The following MXI1 variants were observed in gnomAD, a reference collection of about 807,000 sequenced individuals.
MXI1 encodes the protein max-interacting protein 1.
MXI1 carries 18 observed loss-of-function variants against 36.9 expected under a neutral mutation model. The ratio of observed to expected loss-of-function variants is 0.49; its 90% CI spans 0.34 to 0.72. MXI1 has a LOEUF of 0.72. Ranked by LOEUF, MXI1 falls within the 30% of genes least tolerant of loss-of-function variation. The probability of loss-of-function intolerance (pLI) is 0.01; values close to 1 mark genes in which losing one functional copy is unlikely to be tolerated. For missense variants in MXI1, 304 were observed against 379.1 expected, an observed-to-expected ratio of 0.80 and a Z score of 1.64; for synonymous variants, 160 against 146.7, an observed-to-expected ratio of 1.09 and a Z score of -0.65.
At chr10:110,265,134 T>C (rs559749330) in intron 3 of MXI1, among the ~76,000 whole-genome samples, 3 of 152,366 alleles carry the variant, frequency 2.0e-5, no homozygotes, top group East Asian at 3.9e-4. Context: ...GATAGAGCTC[T>C]GAGTACGGAG....
rs143366938 is a variant in MXI1, at chr10:110,235,410, G to T, written c.407+7089G>T. On this transcript the variant is annotated intron_variant, in intron 2 of 5. Transcript: ENST00000332674. ...TTAGTTAAAAAAAATAAGCTTGGCC[G>T]GGCACAGTGGCTTACACCTGTAATC... 8.4e-4 allele frequency among the ~76,000 whole-genome samples: 128 copies of T among 152,078 alleles called. 1 individual carries two copies. The highest frequency in any genetic ancestry group is 3.0e-3 in the African/African-American group (123 of 41,480).
rs5787839 is a variant in MXI1 at position 110,218,449 on chromosome 10, CAA to C, written c.275-9727_275-9726del. Among the ~76,000 whole-genome samples, 75 of 139,152 alleles carry C rather than the reference CAA, an allele frequency of 5.4e-4. 1 individual carries two copies. The highest frequency in any genetic ancestry group is 1.0e-3 in the East Asian group (5 of 4,860). 91.3% of individuals were successfully genotyped at this position (139,152 alleles called of 152,430 possible). ...TGGGTGACAGAGTAAGACTCCATCT[CAA>C]AAAAAAAAAAAAGATTTGGAATCTG... On this transcript the variant is annotated intron_variant, in intron 1 of 5. Coordinates refer to ENST00000332674, the MANE Select transcript of MXI1 (RefSeq NM_130439.3).
intron 1 of MXI1, chr10:110,208,349 AGGAGCGGG>A: frequency 3.4e-6 from 1 of 296,792 alleles, no homozygotes; most frequent in East Asian, 8.5e-5. Flanking sequence ...GGCCCAGCGG[AGGAGCGGG>A]GGAGTGTTGT....
chr10:110,216,870 A>G (rs1309501765), intron 1 of MXI1, among the ~76,000 whole-genome samples: 5 of 151,168 alleles, frequency 3.3e-5, no homozygotes, highest in Middle Eastern at 3.4e-3. Context: ...GTTTTGCTAT[A>G]TTGTCGAGGC....
intron 1 of MXI1, 35 bp downstream of exon 1, chr10:110,208,117 C>T (rs1564701576): frequency 1.9e-6 from 3 of 1,558,052 alleles, no homozygotes; most frequent in Non-Finnish European, 2.6e-6. Context: ...CCTCGGCGCC[C>T]GGTTCTTTCT....
intron 2 of MXI1, among the ~76,000 whole-genome samples, chr10:110,242,226 T>A (rs1290327215): frequency 6.6e-6 from 1 of 152,034 alleles, no homozygotes; most frequent in Non-Finnish European, 1.5e-5. Flanking sequence ...AAGTAAACTG[T>A]CTCTTTTGAG....
chr10:110,244,538 TC>T (rs1406606341), intron 2 of MXI1, among the ~76,000 whole-genome samples: 2 of 151,874 alleles, frequency 1.3e-5, no homozygotes, highest in African/African-American at 4.8e-5. Context: ...ATCAACAAAA[TC>T]TAGGATGCTA....
chr10:110,246,011 C>G (rs999829514), intron 3 of MXI1, among the ~76,000 whole-genome samples: 3 of 151,998 alleles, frequency 2.0e-5, no homozygotes, highest in Non-Finnish European at 4.4e-5. Context: ...AAAATACTTT[C>G]TTTTTGGTGT....
chr10:110,229,895 G>C (rs1434086278), intron 2 of MXI1, among the ~76,000 whole-genome samples: 1 of 151,964 alleles, frequency 6.6e-6, no homozygotes, highest in African/African-American at 2.4e-5. Context: ...GTACACATAG[G>C]AAACTAGACC....
intron 1 of MXI1, among the ~76,000 whole-genome samples, chr10:110,219,691 C>G (rs540260529): frequency 6.6e-6 from 1 of 152,366 alleles, no homozygotes; most frequent in East Asian, 1.9e-4. Context: ...TACACTTACT[C>G]TACTTGCTTA....
At chr10:110,260,129 C>T (rs1313813040) in intron 3 of MXI1, among the ~76,000 whole-genome samples, 1 of 152,016 alleles carries the variant, frequency 6.6e-6, no homozygotes, top group African/African-American at 2.4e-5. Flanking sequence ...ACAGATGGCC[C>T]TTGGGAGATA....
intron 1 of MXI1, among the ~76,000 whole-genome samples, chr10:110,217,185 A>T (rs1854673943): frequency 6.6e-6 from 1 of 152,148 alleles, no homozygotes; most frequent in South Asian, 2.1e-4. Flanking sequence ...TTGGCCACAG[A>T]CCTCTAATAT....
chr10:110,219,568 A>T (rs1854744663), intron 1 of MXI1, among the ~76,000 whole-genome samples: 1 of 152,184 alleles, frequency 6.6e-6, no homozygotes, highest in South Asian at 2.1e-4. Flanking sequence ...TGTGCTCCTT[A>T]AAGTTTGAGA....
intron 2 of MXI1, among the ~76,000 whole-genome samples, chr10:110,234,444 G>A (rs1855385471): frequency 6.6e-6 from 1 of 151,942 alleles, no homozygotes; most frequent in South Asian, 2.1e-4. Flanking sequence ...CACAGTCAGT[G>A]GTACCATAAT....
intron 3 of MXI1, among the ~76,000 whole-genome samples, chr10:110,245,429 T>C (rs1855827083): frequency 6.6e-6 from 1 of 152,120 alleles, no homozygotes; most frequent in Admixed American, 6.6e-5. Context: ...GTGGTAAGTA[T>C]GGTAATGGAG....
Position 110,217,504 on chromosome 10 carries a change from GC to G in MXI1, c.274+9426del, listed in dbSNP as rs1287010350. ...CAGGGGCCCAGAACTACCTTATGGT[GC>G]CCCTGTGTTATCTTCCTCTTACCTC... On this transcript the variant is annotated intron_variant, in intron 1 of 5. Transcript: ENST00000332674. Among the ~76,000 whole-genome samples, 3 of 152,104 alleles carry G rather than the reference GC, an allele frequency of 2.0e-5. No individual in the cohort carries two copies. The East Asian group carries it at 5.8e-4, about 29-fold the overall frequency.
intron 1 of MXI1, among the ~76,000 whole-genome samples, chr10:110,214,908 A>G (rs1480450807): frequency 2.6e-5 from 4 of 151,602 alleles, no homozygotes; most frequent in African/African-American, 7.3e-5. Flanking sequence ...CCAGCAAGAA[A>G]TGGGAGTCTT....
intron 1 of MXI1, among the ~76,000 whole-genome samples, chr10:110,219,231 C>A (rs1254137847): frequency 6.6e-6 from 1 of 152,138 alleles, no homozygotes; most frequent in African/African-American, 2.4e-5. Context: ...ACCTGAGAGG[C>A]GGAGCTTGCA....
intron 3 of MXI1, among the ~76,000 whole-genome samples, chr10:110,255,380 G>A (rs914031157): frequency 7.9e-5 from 12 of 152,158 alleles, no homozygotes; most frequent in Non-Finnish European, 1.8e-4. Context: ...GATGTACAAG[G>A]ATATTAATGT....
Sources: gnomAD v4.1 joint callset for allele counts (sites outside exome capture counted in the v4.1 genomes callset) on GRCh38, gnomAD v4.1.1 for gene constraint, MANE v1.5 for transcripts, NCBI Gene and HGNC (gene_info 2026-07-23, HGNC 2026-07-21) for gene names.